Variants in CAST observed in about 807,000 individuals in gnomAD.
The protein encoded by CAST is MIR583 host.
A neutral mutation model predicts 119.6 loss-of-function variants in CAST; 76 were observed. The observed-to-expected ratio is 0.64, with a 90% CI of 0.53 to 0.77. The LOEUF (loss-of-function observed/expected upper bound fraction) is 0.77, where lower values mean the gene tolerates loss of function less well. Among genes scored for constraint, CAST ranks in the 30% least tolerant of loss-of-function variants. The pLI is 0.00. For missense variants in CAST, 953 were observed against 946.5 expected, an observed-to-expected ratio of 1.01 and a Z score of -0.09; for synonymous variants, 319 against 331.6, an observed-to-expected ratio of 0.96 and a Z score of 0.41.
the CAST span, among the ~76,000 whole-genome samples, chr5:96,059,711 C>T: frequency 6.6e-6 from 1 of 152,052 alleles, no homozygotes. Flanking sequence ...CTTCACGGGG[C>T]TCTGAATGTG....
At chr5:96,280,170 A>G in the CAST span, among the ~76,000 whole-genome samples, 1 of 152,186 alleles carries the variant, frequency 6.6e-6, no homozygotes, top group Non-Finnish European at 1.5e-5. Flanking sequence ...GTGATCTCGT[A>G]TTGGAGGCAC....
At chr5:96,561,850 T>G (rs1188256515) in intron 1 of CAST, among the ~76,000 whole-genome samples, 3 of 129,200 alleles carry the variant, frequency 2.3e-5, no homozygotes, top group Non-Finnish European at 3.2e-5. Flanking sequence ...TGGAGTGCAG[T>G]GGCGCGATCT....
intron 1 of CAST, among the ~76,000 whole-genome samples, chr5:96,640,040 G>T (rs72772059): frequency 0.022 from 3,422 of 152,244 alleles, 47 homozygotes; most frequent in Non-Finnish European, 0.025. Context: ...AATAGGCAAA[G>T]ATTACTTAGT....
intron 7 of CAST, 144 bp from the exon 8 acceptor site, chr5:96,729,468 T>G (rs1760001248): frequency 1.6e-6 from 1 of 619,524 alleles, no homozygotes; most frequent in Admixed American, 3.0e-5. Flanking sequence ...CTAATTGAAA[T>G]TTACATAATT....
upstream of CAST, among the ~76,000 whole-genome samples, chr5:96,528,048 G>A (rs1423288847): frequency 6.6e-6 from 1 of 152,198 alleles, no homozygotes; most frequent in Non-Finnish European, 1.5e-5. Flanking sequence ...ACAGTTTTAA[G>A]AAGTTTTTCA....
chr5:96,204,851 T>C, the CAST span, among the ~76,000 whole-genome samples: 1 of 152,072 alleles, frequency 6.6e-6, no homozygotes, highest in Middle Eastern at 3.2e-3. Context: ...TCTTCAGGGC[T>C]ACACATAATT....
At chr5:96,354,234 C>G in the CAST span, among the ~76,000 whole-genome samples, 1 of 152,120 alleles carries the variant, frequency 6.6e-6, no homozygotes, top group Non-Finnish European at 1.5e-5. Context: ...GATTCTTTTC[C>G]ACAAAACAGC....
chr5:96,184,780 T>C, the CAST span, among the ~76,000 whole-genome samples: 3,820 of 152,292 alleles, frequency 0.025, 167 homozygotes, highest in African/African-American at 0.088. Context: ...GTTGATTCCA[T>C]GCCTTTGCTA....
chr5:96,522,824 TC>T (rs1745539106), upstream of CAST, among the ~76,000 whole-genome samples: 1 of 152,154 alleles, frequency 6.6e-6, no homozygotes, highest in South Asian at 2.1e-4. Context: ...TTATGAGTGA[TC>T]CCAGCGGATA....
Position 96,772,967 on chromosome 5 carries a change from T to G in CAST, c.*351T>G, listed in dbSNP as rs1773000899. On this transcript the variant is annotated 3_prime_UTR_variant, in exon 32 of 32. Transcript: ENST00000675179. ...AAGCTAAGTGAATTTTTGCACATTC[T>G]ACACACAGTGCCTGTAAATCTCATT... 6.5e-6 allele frequency: 1 copy of G among 153,906 alleles called. No homozygotes were observed. Among genetic ancestry groups the G allele is most frequent in the Non-Finnish European group, 1.5e-5 (1 of 68,022 alleles). 9.5% of individuals were successfully genotyped at this position (153,906 alleles called of 1,614,324 possible).
chr5:96,773,441 C>T lies in CAST; in HGVS notation c.*825C>T, dbSNP rs1002021073. On this transcript the variant is annotated 3_prime_UTR_variant, in exon 32 of 32. Coordinates refer to ENST00000675179, the MANE Select transcript of CAST (RefSeq NM_001750.7). ...ATCTGACTTGAACTCTGTTGGTTTA[C>T]TGTGTTAGTAAACTGTGCTTTCTAT... 2.6e-5 allele frequency: 4 copies of T among 152,356 alleles called. No individual in the cohort carries two copies. Among genetic ancestry groups the T allele is most frequent in the Admixed American group, 1.3e-4 (2 of 15,280 alleles). 9.4% of individuals were successfully genotyped at this position (152,356 alleles called of 1,614,324 possible).
the CAST span, among the ~76,000 whole-genome samples, chr5:96,254,734 A>C: frequency 2.0e-5 from 3 of 152,148 alleles, no homozygotes; most frequent in Non-Finnish European, 4.4e-5. Flanking sequence ...GTAGACATGG[A>C]CTGATGTATG....
chr5:96,096,890 T>C, the CAST span, among the ~76,000 whole-genome samples: 2 of 152,334 alleles, frequency 1.3e-5, no homozygotes, highest in South Asian at 4.1e-4. Flanking sequence ...AAGATGCTAC[T>C]CTTGGAAAAA....
chr5:96,626,031 C>T (rs1432931670), intron 1 of CAST, among the ~76,000 whole-genome samples: 18 of 152,216 alleles, frequency 1.2e-4, no homozygotes, highest in Admixed American at 1.3e-4. Flanking sequence ...AAGGCCGTGT[C>T]CGCCTTGTCC....
chr5:96,251,837 A>G, the CAST span, among the ~76,000 whole-genome samples: 3 of 152,172 alleles, frequency 2.0e-5, no homozygotes, highest in Non-Finnish European at 4.4e-5. Flanking sequence ...TCAGGGCTCA[A>G]TAGTTAACGA....
At chr5:96,107,169 CTT>C in the CAST span, among the ~76,000 whole-genome samples, 1 of 151,850 alleles carries the variant, frequency 6.6e-6, no homozygotes, top group East Asian at 1.9e-4. Flanking sequence ...GGTCTTGACT[CTT>C]TATCCAATTT....
chr5:96,100,922 G>A, the CAST span, among the ~76,000 whole-genome samples: 46 of 151,962 alleles, frequency 3.0e-4, no homozygotes, highest in African/African-American at 9.4e-4. Context: ...GTGTGTGTGT[G>A]TATATATATA....
At chr5:96,032,017 T>C in the CAST span, among the ~76,000 whole-genome samples, 1 of 152,182 alleles carries the variant, frequency 6.6e-6, no homozygotes, top group East Asian at 1.9e-4. Flanking sequence ...TGGGCCTTTC[T>C]GTGGAATTGC....
the CAST span, among the ~76,000 whole-genome samples, chr5:96,376,479 C>T: frequency 2.6e-5 from 4 of 150,972 alleles, no homozygotes; most frequent in East Asian, 1.9e-4. Flanking sequence ...CTCGCTCTGT[C>T]GCCCAGGCTG....
Sources: allele counts gnomAD v4.1 joint callset (sites outside exome capture counted in the v4.1 genomes callset), GRCh38; gene constraint gnomAD v4.1.1; transcripts MANE v1.5; gene names NCBI Gene and HGNC (gene_info 2026-07-23, HGNC 2026-07-21).